CDH7: variants seen among roughly 807,000 people sequenced by gnomAD.
CDH7 encodes cadherin 7, also known as cadherin-7.
CDH7 carries 25 observed loss-of-function variants against 71.8 expected under a neutral mutation model. The observed-to-expected ratio is 0.35, with a 90% CI of 0.25 to 0.49. The LOEUF is 0.49. Ranked by LOEUF, CDH7 falls within the 20% of genes least tolerant of loss-of-function variation. CDH7 has a pLI of 0.99. For synonymous variants in CDH7, 381 were observed against 363.8 expected, an observed-to-expected ratio of 1.05 and a Z score of -0.54; for missense variants, 862 against 974.6, an observed-to-expected ratio of 0.88 and a Z score of 1.54.
chr18:65,807,175 G>A (rs1354544893), intron 2 of CDH7, among the ~76,000 whole-genome samples: 1 of 152,114 alleles, frequency 6.6e-6, no homozygotes, highest in African/African-American at 2.4e-5. Context: ...TGAATGATTG[G>A]AGAAGCAAGC....
Position 65,858,966 on chromosome 18 carries a change from A to G in CDH7, c.1414A>G (p.Ile472Val), listed in dbSNP as rs746337755. The G allele has an allele frequency of 6.8e-6, 11 of 1,611,532 alleles. 1 individual carries two copies. Among genetic ancestry groups the G allele is most frequent in the Middle Eastern group, 1.7e-4 (1 of 6,056 alleles). Residue 472 changes from isoleucine to valine, a missense_variant, in exon 9 of 12, where the codon ATA becomes GTA. Physicochemically the swap from Ile to Val is conservative, Grantham distance 29. Transcript: ENST00000397968. ...AGGAAGAGGCTATGTGGCCATCACT[A>G]TACTTGACATCAATGATAACGCCCC... ...QVGRGYVAIT[I>V]LDINDNAPEF...
chr18:65,862,572 A>T, intron 10 of CDH7, 94 bp from the exon 11 acceptor site: 1 of 1,234,368 alleles, frequency 8.1e-7, no homozygotes, highest in Non-Finnish European at 1.1e-6. Flanking sequence ...TTCCCTAATT[A>T]AGGCATCAAA....
At chr18:65,814,695 C>A in intron 4 of CDH7, 91 bp downstream of exon 4, 10 of 1,100,414 alleles carry the variant, frequency 9.1e-6, no homozygotes, top group Non-Finnish European at 1.0e-5. Flanking sequence ...ACACTAATAA[C>A]ATACCATTTT....
chr18:65,850,320 C>G (rs572470081), intron 7 of CDH7, among the ~76,000 whole-genome samples: 1 of 151,330 alleles, frequency 6.6e-6, no homozygotes, highest in Admixed American at 6.6e-5. Flanking sequence ...GTACTATCCT[C>G]TTAACATTCT....
Position 65,880,854 on chromosome 18 carries a change from C to A in CDH7, c.2318C>A (p.Ala773Glu). 1.2e-6 allele frequency: 2 copies of A among 1,613,928 alleles called. No homozygotes were observed. Among genetic ancestry groups the A allele is most frequent in the Non-Finnish European group, 1.7e-6 (2 of 1,179,964 alleles). Residue 773 changes from alanine (A) to glutamate (E), a missense_variant, in exon 12 of 12, where the codon GCG becomes GAG. Ala to Glu is a moderately radical substitution (Grantham distance 107). Transcript: ENST00000397968. ...TGGGGACCTCGCTTTAAACGACTCGCGGACATGTATGGGACTGGCCAAGAG... is the reference window on the plus strand; with the variant it reads ...TGGGGACCTCGCTTTAAACGACTCGAGGACATGTATGGGACTGGCCAAGAG... Reference protein sequence around the residue: ...SDWGPRFKRLADMYGTGQESL... With the variant: ...SDWGPRFKRLEDMYGTGQESL...
rs758880393 is a variant in CDH7 at position 65,809,882 on chromosome 18, A to G, written c.389A>G (p.Asn130Ser). The G allele has an allele frequency of 1.1e-5, 18 of 1,613,928 alleles. No individual in the cohort carries two copies. The highest frequency in any genetic ancestry group is 1.3e-5 in the Non-Finnish European group (15 of 1,180,008). Residue 130 changes from asparagine to serine, a missense_variant, in exon 3 of 12, where the codon AAC becomes AGC. Transcript: ENST00000397968. The stretch of plus-strand genomic sequence containing the variant: ...GCTCAAGCGCTGGATAGGCTCACCA[A>G]CAAACCCGTGGAGCCCGAGTCGGAG... ...LRAQALDRLT[N>S]KPVEPESEFV... is the part of the protein sequence containing the mutation.
intron 11 of CDH7, among the ~76,000 whole-genome samples, chr18:65,868,056 G>GGAAAAATACGTTAA (rs11274425): frequency 0.77 from 116,211 of 151,866 alleles, 44,650 homozygotes; most frequent in East Asian, 0.93. Flanking sequence ...CATCACTGAA[G>GGAAAAATACGTTAA]ATTGTGGAGA....
At chr18:65,792,924 T>A (rs960395807) in intron 2 of CDH7, among the ~76,000 whole-genome samples, 11 of 152,188 alleles carry the variant, frequency 7.2e-5, no homozygotes, top group African/African-American at 2.7e-4. Flanking sequence ...ATTCTGCCCT[T>A]GGCTGTCCCA....
chr18:65,766,126 A>G (rs1046548918), intron 2 of CDH7, among the ~76,000 whole-genome samples: 2 of 152,082 alleles, frequency 1.3e-5, no homozygotes, highest in African/African-American at 2.4e-5. Context: ...AGGAATGTCT[A>G]TTTTGGGGGA....
intron 7 of CDH7, among the ~76,000 whole-genome samples, chr18:65,849,945 T>C (rs1214566030): frequency 6.6e-6 from 1 of 151,708 alleles, no homozygotes; most frequent in Non-Finnish European, 1.5e-5. Context: ...GGGTGGATCA[T>C]TTTAGGCCAG....
At chr18:65,779,302 A>AC (rs1910091111) in intron 2 of CDH7, among the ~76,000 whole-genome samples, 5 of 93,090 alleles carry the variant, frequency 5.4e-5, no homozygotes, top group African/African-American at 1.6e-4. Context: ...AGCTGTGTGA[A>AC]TTTTTTTTTT....
At chr18:65,832,497 A>G (rs951268376) in intron 6 of CDH7, among the ~76,000 whole-genome samples, 1 of 152,060 alleles carries the variant, frequency 6.6e-6, no homozygotes, top group Admixed American at 6.5e-5. Context: ...GCTGTAAATA[A>G]TGGCATAGAG....
At chr18:65,853,441 C>A (rs1289104290) in intron 7 of CDH7, among the ~76,000 whole-genome samples, 1 of 152,134 alleles carries the variant, frequency 6.6e-6, no homozygotes, top group Non-Finnish European at 1.5e-5. Context: ...ACTTCTCATT[C>A]TAAAAAGTAT....
At chr18:65,862,974 C>T (rs763261553) in intron 11 of CDH7, 57 bp downstream of exon 11, 11 of 1,555,144 alleles carry the variant, frequency 7.1e-6, no homozygotes, top group Middle Eastern at 1.8e-4. Context: ...CCACATGTCA[C>T]GACTTGCCTA....
At chr18:65,814,243 AT>A (rs35891149) in intron 3 of CDH7, among the ~76,000 whole-genome samples, 142,819 of 150,590 alleles carry the variant, frequency 0.95, 68,145 homozygotes, top group South Asian at 1. Context: ...CATCGATGGT[AT>A]TTTTTTTTTT....
intron 6 of CDH7, among the ~76,000 whole-genome samples, chr18:65,832,206 A>G (rs1437553249): frequency 2.0e-4 from 6 of 30,472 alleles, no homozygotes; most frequent in African/African-American, 2.3e-4. Context: ...CTTTTCATAA[A>G]TAATGTACTA....
chr18:65,831,738 T>C (rs1032922803), intron 6 of CDH7, among the ~76,000 whole-genome samples: 3 of 151,790 alleles, frequency 2.0e-5, no homozygotes, highest in African/African-American at 7.3e-5. Flanking sequence ...CAGAAAGTAG[T>C]GGCATTGTCT....
intron 7 of CDH7, among the ~76,000 whole-genome samples, chr18:65,853,918 T>TATATATATATATATATCC (rs1568221026): frequency 3.2e-4 from 21 of 66,286 alleles, no homozygotes; most frequent in African/African-American, 1.7e-3. Flanking sequence ...TATATATATA[T>TATATATATATATATATCC]ATATATATAT....
At chr18:65,756,112 A>G (rs999691955) in intron 1 of CDH7, among the ~76,000 whole-genome samples, 6 of 152,202 alleles carry the variant, frequency 3.9e-5, no homozygotes, top group Non-Finnish European at 7.4e-5. Context: ...AAACATGTAC[A>G]TCTTTCACCC....
Sources: allele counts gnomAD v4.1 joint callset (sites outside exome capture counted in the v4.1 genomes callset), GRCh38; gene constraint gnomAD v4.1.1; transcripts MANE v1.5; gene names NCBI Gene and HGNC (gene_info 2026-07-23, HGNC 2026-07-21).